The following ROCK1 variants were observed in gnomAD, a reference collection of about 807,000 sequenced individuals.
ROCK1 encodes the protein Rho associated coiled-coil containing protein kinase 1.
Under a neutral mutation model 196.8 loss-of-function variants are expected in ROCK1, and 36 were observed. The observed-to-expected ratio is 0.18, with a 90% CI of 0.14 to 0.24. The LOEUF (loss-of-function observed/expected upper bound fraction) is 0.24. ROCK1 is among the 10% of genes least tolerant of loss of function. The probability of loss-of-function intolerance (pLI) is 1.00; values close to 1 mark genes in which losing one functional copy is unlikely to be tolerated. For missense variants in ROCK1, 920 were observed against 1,562.0 expected, an observed-to-expected ratio of 0.59 and a Z score of 6.93; for synonymous variants, 443 against 515.9, an observed-to-expected ratio of 0.86 and a Z score of 1.91.
chr18:21,036,927 T>TC (rs2036062524), intron 9 of ROCK1, among the ~76,000 whole-genome samples: 1 of 152,238 alleles, frequency 6.6e-6, no homozygotes, highest in African/African-American at 2.4e-5. Flanking sequence ...TTATTTTTTT[T>TC]CCCCCAAATT....
chr18:20,992,972 A>C, intron 16 of ROCK1, 35 bp from the exon 17 acceptor site: 1 of 1,313,620 alleles, frequency 7.6e-7, no homozygotes, highest in Non-Finnish European at 1.1e-6. Context: ...GTCTGTAGTC[A>C]TTGAAAGAAG....
intron 13 of ROCK1, among the ~76,000 whole-genome samples, chr18:21,013,989 C>A (rs1322820509): frequency 6.6e-6 from 1 of 151,324 alleles, no homozygotes; most frequent in African/African-American, 2.4e-5. Flanking sequence ...TAGCGTGAAC[C>A]CGGGAGGCGG....
chr18:21,052,815 C>A (rs1383112236), intron 2 of ROCK1, among the ~76,000 whole-genome samples: 1 of 152,066 alleles, frequency 6.6e-6, no homozygotes, highest in Non-Finnish European at 1.5e-5. Flanking sequence ...CCCATCCTGT[C>A]CATAGAAACA....
chr18:21,039,935 T>C (rs146223004), intron 8 of ROCK1, among the ~76,000 whole-genome samples: 2,308 of 152,212 alleles, frequency 0.015, 33 homozygotes, highest in Non-Finnish European at 0.019. Flanking sequence ...AACACGCCTG[T>C]AGTCCCAGCT....
chr18:21,039,369 A>T, intron 9 of ROCK1, 103 bp downstream of exon 9: 1 of 785,408 alleles, frequency 1.3e-6, no homozygotes, highest in Non-Finnish European at 2.1e-6. Context: ...GTGGCTTCTG[A>T]TTTTCATCAG....
chr18:21,026,199 C>T (rs1392701907), intron 10 of ROCK1, among the ~76,000 whole-genome samples: 1 of 152,098 alleles, frequency 6.6e-6, no homozygotes, highest in Admixed American at 6.5e-5. Context: ...AATCCCAGCA[C>T]TTTGGGAGGC....
At chr18:21,104,110 A>C (rs1204983207) in intron 1 of ROCK1, among the ~76,000 whole-genome samples, 1 of 152,208 alleles carries the variant, frequency 6.6e-6, no homozygotes, top group Non-Finnish European at 1.5e-5. Flanking sequence ...AACTCTATAT[A>C]TAATATTTCC....
chr18:21,089,243 A>G (rs2036550846), intron 1 of ROCK1, among the ~76,000 whole-genome samples: 1 of 152,094 alleles, frequency 6.6e-6, no homozygotes, highest in African/African-American at 2.4e-5. Flanking sequence ...TATCTTTAGT[A>G]GAGACGGGGT....
intron 13 of ROCK1, among the ~76,000 whole-genome samples, chr18:21,008,716 C>T (rs1163692762): frequency 1.3e-5 from 2 of 152,164 alleles, no homozygotes; most frequent in Admixed American, 6.5e-5. Context: ...CATCTTTAAG[C>T]AGAAATTGGA....
chr18:20,957,732 C>A (rs2035258397), intron 29 of ROCK1, among the ~76,000 whole-genome samples: 1 of 152,044 alleles, frequency 6.6e-6, no homozygotes, highest in Admixed American at 6.5e-5. Context: ...GATCCTCCCA[C>A]CTCAGCCTTC....
At chr18:21,086,161 G>C (rs2036525474) in intron 1 of ROCK1, among the ~76,000 whole-genome samples, 1 of 148,950 alleles carries the variant, frequency 6.7e-6, no homozygotes, top group East Asian at 2.0e-4. Context: ...GCCCAGGCTG[G>C]AGTGCAGTGG....
Position 20,947,273 on chromosome 18 carries a change from C to A in ROCK1, c.*4111G>T, listed in dbSNP as rs2035137663. The A allele has an allele frequency of 6.6e-6, 1 of 151,686 alleles. No individual in the cohort carries two copies. The highest frequency in any genetic ancestry group is 2.4e-5 in the African/African-American group (1 of 41,280). The allele number at this position is 151,686 out of a possible 1,614,324, so 9.4% of individuals were successfully genotyped here. A position where few individuals can be genotyped will look rare whatever the true frequency, so the allele number is the denominator to read the frequency against. ...TTTGGAGATAATCCATTAGAAAACA[C>A]AGCTAACTGTTAATAACAGTTATGA... is the stretch of plus-strand genomic sequence containing the variant. On this transcript the variant is annotated 3_prime_UTR_variant, in exon 33 of 33. Coordinates refer to ENST00000399799, the MANE Select transcript of ROCK1 (RefSeq NM_005406.3).
intron 2 of ROCK1, among the ~76,000 whole-genome samples, chr18:21,065,361 G>GTTT (rs921823616): frequency 6.8e-6 from 1 of 146,612 alleles, no homozygotes; most frequent in South Asian, 2.2e-4. Context: ...TATCAGTTCT[G>GTTT]TTTTTTTTTT....
intron 1 of ROCK1, among the ~76,000 whole-genome samples, chr18:21,101,112 C>CT (rs1430906129): frequency 3.3e-5 from 5 of 152,176 alleles, no homozygotes; most frequent in African/African-American, 4.8e-5. Context: ...TCCTGTATTT[C>CT]ATGAATTGGA....
chr18:21,108,041 T>A (rs147075396), intron 1 of ROCK1, among the ~76,000 whole-genome samples: 3,702 of 151,090 alleles, frequency 0.025, 157 homozygotes, highest in African/African-American at 0.085. Context: ...GGCAACAGAG[T>A]GAGATTCCAT....
intron 1 of ROCK1, among the ~76,000 whole-genome samples, chr18:21,085,798 A>AGATG (rs2036521661): frequency 2.6e-5 from 4 of 152,240 alleles, no homozygotes; most frequent in Admixed American, 2.0e-4. Flanking sequence ...TCTGTAAAAC[A>AGATG]AGATAGTATC....
At chr18:21,087,728 C>T (rs750862775) in intron 1 of ROCK1, among the ~76,000 whole-genome samples, 6 of 152,228 alleles carry the variant, frequency 3.9e-5, no homozygotes, top group Non-Finnish European at 8.8e-5. Context: ...CAATTTTAGT[C>T]GGCAACTTGA....
In ROCK1 at chr18:20,974,010, T is replaced by TC. The variant is rs1490924612; in HGVS notation, c.2655-3498dup. Among the ~76,000 whole-genome samples the TC allele has an allele frequency of 2.0e-5, 3 of 152,112 alleles. No individual in the cohort carries two copies. The South Asian group carries it at 6.2e-4, about 32-fold the overall frequency. Reference sequence around the variant, plus strand: ...TGGTCTCGATCTCCTGACCTCGTGATCCCCCCGCCTCAGCCTCCCAAAGTG... The same window carrying TC: ...TGGTCTCGATCTCCTGACCTCGTGATCCCCCCCGCCTCAGCCTCCCAAAGTG... On this transcript the variant is annotated intron_variant, in intron 22 of 32. Transcript: ENST00000399799.
chr18:21,015,902 C>A (rs1210510713), intron 12 of ROCK1, among the ~76,000 whole-genome samples: 8 of 151,526 alleles, frequency 5.3e-5, no homozygotes, highest in African/African-American at 1.9e-4. Flanking sequence ...ATCACTTGAA[C>A]CTGGGAGGTG....
Sources: allele counts gnomAD v4.1 joint callset (sites outside exome capture counted in the v4.1 genomes callset), GRCh38; gene constraint gnomAD v4.1.1; transcripts MANE v1.5; gene names NCBI Gene and HGNC (gene_info 2026-07-23, HGNC 2026-07-21).